ANGPT2: variants seen among roughly 807,000 people sequenced by gnomAD.
The protein encoded by ANGPT2 is angiopoietin-2.
A neutral mutation model predicts 62.9 loss-of-function variants in ANGPT2; 28 were observed. The observed-to-expected ratio is 0.44, with a 90% CI of 0.33 to 0.61. The LOEUF (loss-of-function observed/expected upper bound fraction) is 0.61. Among genes scored for constraint, ANGPT2 ranks in the 20% least tolerant of loss-of-function variants. ANGPT2 has a pLI of 0.03. For synonymous variants in ANGPT2, 284 were observed against 207.8 expected, an observed-to-expected ratio of 1.37 and a Z score of -3.15; for missense variants, 727 against 594.9, an observed-to-expected ratio of 1.22 and a Z score of -2.31.
chr8:6,550,729 A>G (rs140875754), intron 1 of ANGPT2, among the ~76,000 whole-genome samples: 1 of 152,302 alleles, frequency 6.6e-6, no homozygotes, highest in Non-Finnish European at 1.5e-5. Context: ...AAATTTTATC[A>G]GAGTTTTGCG....
chr8:6,522,310 A>C (rs765116677), intron 3 of ANGPT2, among the ~76,000 whole-genome samples: 6 of 152,006 alleles, frequency 3.9e-5, no homozygotes, highest in African/African-American at 1.5e-4. Context: ...AGCTGAGATC[A>C]TGCCACTGCA....
At chr8:6,525,749 G>C (rs1299998692) in intron 3 of ANGPT2, among the ~76,000 whole-genome samples, 1 of 152,106 alleles carries the variant, frequency 6.6e-6, no homozygotes, top group Non-Finnish European at 1.5e-5. Context: ...ATTATTTATA[G>C]CTGTTGATGA....
At chr8:6,527,534 A>G in intron 3 of ANGPT2, 21 bp downstream of exon 3, 1 of 1,609,826 alleles carries the variant, frequency 6.2e-7, no homozygotes, top group Non-Finnish European at 8.5e-7. Context: ...TGAATTATAA[A>G]TGTTTTAGTA....
chr8:6,544,206 A>G (rs1822122934), intron 1 of ANGPT2, among the ~76,000 whole-genome samples: 1 of 152,210 alleles, frequency 6.6e-6, no homozygotes, highest in South Asian at 2.1e-4. Flanking sequence ...TGCCATTTCA[A>G]ATGTTGATAG....
At chr8:6,542,865 G>A (rs1054757621) in intron 1 of ANGPT2, among the ~76,000 whole-genome samples, 1 of 152,132 alleles carries the variant, frequency 6.6e-6, no homozygotes, top group Non-Finnish European at 1.5e-5. Flanking sequence ...CTAGAAAAGG[G>A]AAAAGGCTAG....
In ANGPT2 at chr8:6,500,847, A is replaced by G. The variant is rs1812035021; in HGVS notation, c.*2254T>C. 4 of 152,192 alleles carry G rather than the reference A, an allele frequency of 2.6e-5. No individual in the cohort carries two copies. Among genetic ancestry groups the G allele is most frequent in the Admixed American group, 1.3e-4 (2 of 15,286 alleles). The allele number at this position is 152,192 out of a possible 1,614,324, so 9.4% of individuals were successfully genotyped here. A position where few individuals can be genotyped will look rare whatever the true frequency, so the allele number is the denominator to read the frequency against. ...ATTATATATGATGCACAATGACATA[A>G]TGAGATTTGTCCTTGAATTTTTTAT... On this transcript the variant is annotated 3_prime_UTR_variant, in exon 9 of 9. Transcript: ENST00000629816.
At chr8:6,517,520 G>A (rs1414157144) in intron 5 of ANGPT2, among the ~76,000 whole-genome samples, 1 of 152,196 alleles carries the variant, frequency 6.6e-6, no homozygotes, top group Non-Finnish European at 1.5e-5. Flanking sequence ...TTCAGGAAAA[G>A]ATGTGCTCAA....
At chr8:6,533,383 C>T (rs1356967149) in intron 1 of ANGPT2, among the ~76,000 whole-genome samples, 3 of 152,120 alleles carry the variant, frequency 2.0e-5, no homozygotes, top group Non-Finnish European at 4.4e-5. Context: ...GGGCTTGGAG[C>T]CAGGGAAGCC....
intron 1 of ANGPT2, among the ~76,000 whole-genome samples, chr8:6,541,419 G>A (rs772550769): frequency 3.3e-5 from 5 of 152,060 alleles, no homozygotes; most frequent in Admixed American, 6.5e-5. Context: ...GGAGAGGAGA[G>A]GAAAAGCAGT....
In ANGPT2 at chr8:6,521,264, G is replaced by C; in HGVS notation, c.713C>G (p.Thr238Arg). ...EELEKKIVTA[T>R]VNNSVLQKQQ... ...CTTCTGAAGAACTGAATTATTCACCGTGGCAGTCACTATTTTTTTTTCTAG... is the reference window on the plus strand; with the variant it reads ...CTTCTGAAGAACTGAATTATTCACCCTGGCAGTCACTATTTTTTTTTCTAG... Residue 238 changes from threonine (T) to arginine (R), a missense_variant, in exon 4 of 9, where the codon ACG (threonine) becomes AGG (arginine). Physicochemically the swap from Thr to Arg is moderately conservative, Grantham distance 71. Transcript: ENST00000629816. The C allele has an allele frequency of 6.2e-7, 1 of 1,613,880 alleles. No individual in the cohort carries two copies. Among genetic ancestry groups the C allele is most frequent in the Non-Finnish European group, 8.5e-7 (1 of 1,179,928 alleles).
chr8:6,515,785 GTCTTT>G (rs1736929724), intron 5 of ANGPT2, among the ~76,000 whole-genome samples: 1 of 152,168 alleles, frequency 6.6e-6, no homozygotes, highest in African/African-American at 2.4e-5. Context: ...GTGTCCCATG[GTCTTT>G]TTGAGAATAA....
At position 6,519,878 on chromosome 8, in the gene ANGPT2, T is replaced by C; in HGVS notation, c.913A>G (p.Thr305Ala). 1.9e-6 allele frequency: 3 copies of C among 1,614,062 alleles called. No homozygotes were observed. Among genetic ancestry groups the C allele is most frequent in the Non-Finnish European group, 1.7e-6 (2 of 1,179,944 alleles). Residue 305 changes from threonine to alanine, a missense_variant, in exon 5 of 9, where the codon ACA becomes GCA. By Grantham distance (58) the Thr-to-Ala change is moderately conservative (BLOSUM62 0). Transcript: ENST00000629816. Reference sequence around the variant, plus strand: ...GAATACCTCACCTTGATCTCTTCTGTAGAATTAGGGAATGTTAACGTGTAG... The same window carrying C: ...GAATACCTCACCTTGATCTCTTCTGCAGAATTAGGGAATGTTAACGTGTAG... ...GIYTLTFPNS[T>A]EEIKAYCDME...
chr8:6,557,218 G>A (rs896681758), intron 1 of ANGPT2, among the ~76,000 whole-genome samples: 5 of 152,072 alleles, frequency 3.3e-5, no homozygotes, highest in South Asian at 2.1e-4. Context: ...TTGCTTTACC[G>A]CTGGGCAATC....
chr8:6,562,706 C>G lies in ANGPT2; in HGVS notation c.229G>C (p.Val77Leu), dbSNP rs754246756. Residue 77 changes from valine (V) to leucine (L), a missense_variant, in exon 1 of 9, where the codon GTG (valine) becomes CTG (leucine). Val to Leu is a conservative substitution (Grantham distance 32). Coordinates refer to ENST00000629816, the MANE Select transcript of ANGPT2 (RefSeq NM_001118887.2). ...TTCTCCAGCACTTGCAGCCTCTGCA[C>G]CGAGTCATCGTATTCGAGCGGCGCG... ...RDAPLEYDDS[V>L]QRLQVLENIM... The G allele has an allele frequency of 1.2e-6, 2 of 1,612,904 alleles. No homozygotes were observed. The highest frequency in any genetic ancestry group is 1.7e-6 in the Non-Finnish European group (2 of 1,179,246).
At position 6,507,515 on chromosome 8, in the gene ANGPT2, G is replaced by A. The variant is rs942326603; in HGVS notation, c.1327+1417C>T. ...TTGTCTCAGTCACTAAGTAGCGTTT[G>A]TTCCTGTCAGTGAATTTCTAAACTT... On this transcript the variant is annotated intron_variant, in intron 8 of 8. Coordinates refer to ENST00000629816, the MANE Select transcript of ANGPT2 (RefSeq NM_001118887.2). 2.0e-5 allele frequency: 3 copies of A among 146,782 alleles called. No individual in the cohort carries two copies. In the Admixed American group the frequency reaches 2.1e-4, roughly 10 times the overall value. 9.1% of individuals were successfully genotyped at this position (146,782 alleles called of 1,614,324 possible).
chr8:6,504,503 A>T lies in ANGPT2; in HGVS notation c.1328-1242T>A, dbSNP rs115658855. ...AGTAGCTGTCTTGGTTATTAGATCG[A>T]TTGTCACAGTATCGCAGTGCTTATG... is the stretch of plus-strand genomic sequence containing the variant. On this transcript the variant is annotated intron_variant, in intron 8 of 8. Transcript: ENST00000629816. Among the ~76,000 whole-genome samples the T allele has an allele frequency of 3.0e-3, 452 of 152,074 alleles. 2 individuals are homozygous for T. The highest frequency in any genetic ancestry group is 0.011 in the African/African-American group (440 of 41,484).
chr8:6,531,137 G>T (rs1340462011), intron 2 of ANGPT2, among the ~76,000 whole-genome samples: 1 of 152,006 alleles, frequency 6.6e-6, no homozygotes, highest in Non-Finnish European at 1.5e-5. Context: ...TGGAGCGTCT[G>T]CATTTGTACT....
chr8:6,530,260 C>A (rs1055246780), intron 2 of ANGPT2, among the ~76,000 whole-genome samples: 27 of 152,046 alleles, frequency 1.8e-4, no homozygotes, highest in African/African-American at 6.0e-4. Context: ...GTGATCCCAG[C>A]AGTTTGGGAG....
intron 1 of ANGPT2, among the ~76,000 whole-genome samples, chr8:6,542,747 C>G (rs978149005): frequency 6.6e-6 from 1 of 152,042 alleles, no homozygotes; most frequent in South Asian, 2.1e-4. Flanking sequence ...TGCCAAAATA[C>G]TGGGTGGAGC....
Sources: allele counts gnomAD v4.1 joint callset (sites outside exome capture counted in the v4.1 genomes callset), GRCh38; gene constraint gnomAD v4.1.1; transcripts MANE v1.5; gene names NCBI Gene and HGNC (gene_info 2026-07-23, HGNC 2026-07-21).